The following TLK2 variants were observed in gnomAD, a reference collection of about 807,000 sequenced individuals.
TLK2 encodes the protein tousled like kinase 2, also known as serine/threonine-protein kinase tousled-like 2.
TLK2 carries 6 observed loss-of-function variants against 117.3 expected under a neutral mutation model. That is an observed-to-expected ratio of 0.05 (90% CI 0.03 to 0.10). The LOEUF is 0.10. TLK2 is among the 10% of genes least tolerant of loss of function. The pLI is 1.00. For synonymous variants in TLK2, 257 were observed against 316.7 expected, an observed-to-expected ratio of 0.81 and a Z score of 2.00; for missense variants, 299 against 901.2, an observed-to-expected ratio of 0.33 and a Z score of 8.56.
intron 7 of TLK2, among the ~76,000 whole-genome samples, chr17:62,540,646 G>A (rs1382197630): frequency 1.3e-5 from 2 of 148,944 alleles, no homozygotes; most frequent in African/African-American, 2.5e-5. Flanking sequence ...TGATCCACCC[G>A]CCTTGGCCTC....
At chr17:62,606,733 G>T (rs770563118) in intron 20 of TLK2, among the ~76,000 whole-genome samples, 18 of 152,276 alleles carry the variant, frequency 1.2e-4, no homozygotes, top group Middle Eastern at 3.4e-3. Context: ...TCTGATCAAG[G>T]TGACATATTT....
rs184700400 is a variant in TLK2, at chr17:62,495,833, T to G, written c.81+14627T>G. ...GCTGCCGTGCCCAGCTAATTTTTTTTTTTGTTTTTTAGTAGAGACGGGGTT... is the reference window on the plus strand; with the variant it reads ...GCTGCCGTGCCCAGCTAATTTTTTTGTTTGTTTTTTAGTAGAGACGGGGTT... On this transcript the variant is annotated intron_variant, in intron 2 of 21. Coordinates refer to ENST00000346027, the MANE Select transcript of TLK2 (RefSeq NM_006852.6). 3.4e-3 allele frequency among the ~76,000 whole-genome samples: 523 copies of G among 151,720 alleles called. 6 individuals are homozygous for G. The highest frequency in any genetic ancestry group is 0.012 in the African/African-American group (505 of 41,452).
At chr17:62,522,845 A>T (rs889712431) in intron 4 of TLK2, among the ~76,000 whole-genome samples, 9 of 152,204 alleles carry the variant, frequency 5.9e-5, no homozygotes, top group African/African-American at 2.2e-4. Context: ...TTTAAAATCT[A>T]CAGATAATTC....
chr17:62,550,228 A>G (rs1245063854), intron 7 of TLK2: 7 of 147,716 alleles, frequency 4.7e-5, no homozygotes, highest in African/African-American at 1.8e-4. Flanking sequence ...TCATCCACCC[A>G]CCTCGGCCTC....
rs777808122 is a variant in TLK2, at chr17:62,536,224, A to T, written c.418A>T (p.Thr140Ser). 4 of 1,612,792 alleles carry T rather than the reference A, an allele frequency of 2.5e-6. No homozygotes were observed. The highest frequency in any genetic ancestry group is 1.3e-5 in the African/African-American group (1 of 74,896). The change falls in exon 7 of 22, where the codon ACG (threonine) becomes TCG (serine). Residue 140 changes from threonine (T) to serine (S), a missense_variant. Coordinates refer to ENST00000346027, the MANE Select transcript of TLK2 (RefSeq NM_006852.6). Reference sequence around the variant, plus strand: ...AGATGGCAGTGCTGCAAAGGAGGCAACGGAGGAGCAGTCTGCTCTGCCAAC... The same window carrying T: ...AGATGGCAGTGCTGCAAAGGAGGCATCGGAGGAGCAGTCTGCTCTGCCAAC... ...GLDGSAAKEATEEQSALPTLM... is the reference protein window; with the variant it reads ...GLDGSAAKEASEEQSALPTLM...
intron 6 of TLK2, among the ~76,000 whole-genome samples, chr17:62,533,914 T>C (rs1180686021): frequency 6.6e-6 from 1 of 152,348 alleles, no homozygotes; most frequent in African/African-American, 2.4e-5. Context: ...TTTTTTCTAA[T>C]ATCTGCACAA....
chr17:62,535,645 T>C (rs2077058633), intron 6 of TLK2, among the ~76,000 whole-genome samples: 2 of 152,102 alleles, frequency 1.3e-5, no homozygotes, highest in Non-Finnish European at 2.9e-5. Flanking sequence ...GGCAGGCACC[T>C]GTAATCCCAG....
At chr17:62,581,005 G>A (rs893411657) in intron 15 of TLK2, among the ~76,000 whole-genome samples, 6 of 151,822 alleles carry the variant, frequency 4.0e-5, no homozygotes, top group Admixed American at 3.9e-4. Flanking sequence ...TTTTTAAATT[G>A]TGGTTTTATT....
At chr17:62,531,971 C>G (rs1390639956) in intron 6 of TLK2, among the ~76,000 whole-genome samples, 1 of 152,142 alleles carries the variant, frequency 6.6e-6, no homozygotes, top group African/African-American at 2.4e-5. Context: ...CTATTGAACC[C>G]TCTCCCTTGG....
chr17:62,504,799 C>G (rs2074524223), intron 2 of TLK2, among the ~76,000 whole-genome samples: 1 of 151,926 alleles, frequency 6.6e-6, no homozygotes, highest in Non-Finnish European at 1.5e-5. Context: ...CAGAGTGAGA[C>G]CTTATCTTTA....
At chr17:62,582,806 T>G (rs1179217221) in intron 15 of TLK2, among the ~76,000 whole-genome samples, 3 of 152,212 alleles carry the variant, frequency 2.0e-5, no homozygotes, top group Non-Finnish European at 4.4e-5. Context: ...CTCCTCCTTG[T>G]CCTTGGAACC....
intron 13 of TLK2, among the ~76,000 whole-genome samples, chr17:62,577,042 A>C (rs1445961093): frequency 7.2e-6 from 1 of 139,504 alleles, no homozygotes; most frequent in Non-Finnish European, 1.5e-5. Flanking sequence ...GGCTCACTGC[A>C]ACCTCCACCT....
At chr17:62,563,039 A>C (rs909196676) in intron 10 of TLK2, among the ~76,000 whole-genome samples, 3 of 152,234 alleles carry the variant, frequency 2.0e-5, no homozygotes, top group Non-Finnish European at 4.4e-5. Context: ...CAAAAAGTGG[A>C]AACATCCTAG....
intron 1 of TLK2, among the ~76,000 whole-genome samples, chr17:62,473,285 G>A (rs62074041): frequency 0.031 from 4,719 of 152,200 alleles, 102 homozygotes; most frequent in Middle Eastern, 0.058. Context: ...CTATGGCTTG[G>A]AACAATGATG....
intron 7 of TLK2, among the ~76,000 whole-genome samples, chr17:62,548,116 G>A (rs1241896931): frequency 6.6e-6 from 1 of 152,006 alleles, no homozygotes; most frequent in African/African-American, 2.4e-5. Flanking sequence ...TAAGGAAAGT[G>A]CGCACACTGT....
intron 2 of TLK2, among the ~76,000 whole-genome samples, chr17:62,496,272 G>A (rs1484330512): frequency 6.6e-6 from 1 of 151,910 alleles, no homozygotes; most frequent in Non-Finnish European, 1.5e-5. Flanking sequence ...TTTTTTTCAA[G>A]GCTGCTTTGT....
chr17:62,543,906 C>G (rs1226055642), intron 7 of TLK2, among the ~76,000 whole-genome samples: 1 of 151,958 alleles, frequency 6.6e-6, no homozygotes, highest in Non-Finnish European at 1.5e-5. Context: ...CTTCACCTAA[C>G]CTAAAGTCAA....
chr17:62,588,057 T>C (rs914890774), intron 16 of TLK2, among the ~76,000 whole-genome samples: 1 of 137,310 alleles, frequency 7.3e-6, no homozygotes, highest in African/African-American at 2.7e-5. Flanking sequence ...GTATAAAATA[T>C]ACGTATACAT....
At chr17:62,524,984 A>G (rs2076276155) in intron 6 of TLK2, among the ~76,000 whole-genome samples, 1 of 152,204 alleles carries the variant, frequency 6.6e-6, no homozygotes, top group African/African-American at 2.4e-5. Flanking sequence ...CCTGCAAAGA[A>G]GAATTACCTG....
Sources: allele counts gnomAD v4.1 joint callset (sites outside exome capture counted in the v4.1 genomes callset), GRCh38; gene constraint gnomAD v4.1.1; transcripts MANE v1.5; gene names NCBI Gene and HGNC (gene_info 2026-07-23, HGNC 2026-07-21).